GALK2: variants seen among roughly 807,000 people sequenced by gnomAD.
The protein encoded by GALK2 is galactokinase 2.
GALK2 carries 36 observed loss-of-function variants against 52.4 expected under a neutral mutation model. The ratio of observed to expected loss-of-function variants is 0.69; its 90% confidence interval spans 0.53 to 0.91. GALK2 has a LOEUF of 0.91. GALK2 is among the 40% of genes least tolerant of loss of function. GALK2 has a pLI of 0.00. For synonymous variants in GALK2, 176 were observed against 199.1 expected, an observed-to-expected ratio of 0.88 and a Z score of 0.98; for missense variants, 579 against 559.1, an observed-to-expected ratio of 1.04 and a Z score of -0.36.
intron 2 of GALK2, 94 bp downstream of exon 2, chr15:49,201,344 A>G (rs1363935893): frequency 1.5e-6 from 1 of 678,928 alleles, no homozygotes. Flanking sequence ...TTTTCCCAAA[A>G]TAGAATATTT....
At chr15:49,158,852 A>G (rs2084545383) in intron 1 of GALK2, 1 of 152,166 alleles carries the variant, frequency 6.6e-6, no homozygotes, top group Non-Finnish European at 1.5e-5. Context: ...TAGAGACAAG[A>G]TCTTGCTCTG....
At chr15:49,182,182 C>G (rs1159743651) in intron 1 of GALK2, among the ~76,000 whole-genome samples, 1 of 152,172 alleles carries the variant, frequency 6.6e-6, no homozygotes, top group East Asian at 1.9e-4. Flanking sequence ...TCATTCTACT[C>G]TCTTTCTCCA....
intron 1 of GALK2, 35 bp downstream of exon 1, chr15:49,170,410 C>T: frequency 6.4e-7 from 1 of 1,562,362 alleles, no homozygotes; most frequent in Non-Finnish European, 8.7e-7. Flanking sequence ...TTGGGATCTG[C>T]TGGGTTGGCT....
chr15:49,366,614 G>T lies in GALK2; in HGVS notation c.427-877G>T, dbSNP rs527687182. 5.1e-4 allele frequency: 817 copies of T among 1,595,208 alleles called. 2 individuals carry two copies. Among genetic ancestry groups the T allele is most frequent in the Admixed American group, 1.6e-3 (94 of 59,908 alleles). On this transcript the variant is annotated intron_variant, in intron 3 of 3. Coordinates refer to the GALK2 transcript ENST00000558399. ...CGCATGCAAGATTGCTTCCTGAGCGGCTGTCAGCTGGAGCAGGAAGCCCCA... is the reference window on the plus strand; with the variant it reads ...CGCATGCAAGATTGCTTCCTGAGCGTCTGTCAGCTGGAGCAGGAAGCCCCA...
intron 1 of GALK2, among the ~76,000 whole-genome samples, chr15:49,178,183 A>T (rs1421110241): frequency 1.5e-4 from 12 of 79,940 alleles, no homozygotes; most frequent in East Asian, 3.7e-4. Flanking sequence ...AAAAAAAAAA[A>T]AAAAAGAAAT....
chr15:49,289,491 A>G (rs2033719548), intron 7 of GALK2, among the ~76,000 whole-genome samples: 1 of 152,234 alleles, frequency 6.6e-6, no homozygotes, highest in Non-Finnish European at 1.5e-5. Context: ...GACCAAGAAC[A>G]GAGGGCTTAG....
chr15:49,348,662 A>C (rs4421927), intron 3 of GALK2, among the ~76,000 whole-genome samples: 5 of 151,958 alleles, frequency 3.3e-5, no homozygotes, highest in Admixed American at 2.0e-4. Flanking sequence ...CCACCTCCTA[A>C]GAGAGAAGTA....
Position 49,351,971 on chromosome 15 carries a change from G to A in GALK2, c.427-15520G>A, listed in dbSNP as rs372258060. On this transcript the variant is annotated intron_variant, in intron 3 of 3. Transcript: ENST00000558399. ...TATTATTACCTCTGTAGTTCTAGGTGTTGACTGAGCTCAGCTAGGCTGTTC... is the reference window on the plus strand; with the variant it reads ...TATTATTACCTCTGTAGTTCTAGGTATTGACTGAGCTCAGCTAGGCTGTTC... Among the ~76,000 whole-genome samples, 16 of 152,334 alleles carry A rather than the reference G, an allele frequency of 1.1e-4. No homozygotes were observed. In the South Asian group the frequency reaches 3.1e-3, roughly 30 times the overall value.
Position 49,318,671 on chromosome 15 carries a change from A to G in GALK2, c.968-933A>G, listed in dbSNP as rs1596095149. Among the ~76,000 whole-genome samples, 8 of 152,256 alleles carry G rather than the reference A, an allele frequency of 5.3e-5. No individual in the cohort carries two copies. In the South Asian group the frequency reaches 1.7e-3, roughly 32 times the overall value. The stretch of plus-strand genomic sequence containing the variant: ...TACATATATAAACATTATATATCCC[A>G]TATAAATAATTGTGTTTATCTGGGA... On this transcript the variant is annotated intron_variant, in intron 8 of 9. Transcript: ENST00000560031.
At chr15:49,205,607 G>A (rs999104659) in intron 2 of GALK2, among the ~76,000 whole-genome samples, 4 of 152,098 alleles carry the variant, frequency 2.6e-5, no homozygotes, top group African/African-American at 9.7e-5. Context: ...ATTTGTTTGA[G>A]TTCATTGTAG....
At position 49,366,783 on chromosome 15, in the gene GALK2, G is replaced by A. The variant is rs551733007; in HGVS notation, c.427-708G>A. 397 of 603,660 alleles carry A rather than the reference G, an allele frequency of 6.6e-4. 3 individuals carry two copies. Among genetic ancestry groups the A allele is most frequent in the South Asian group, 2.8e-3 (135 of 48,896 alleles). 37.4% of individuals were successfully genotyped at this position (603,660 alleles called of 1,614,324 possible). ...CGCTGCCTCCGTGGCGGGGGCGGCC[G>A]GGCTAGGCTGGGATCGCCGCTGCTG... On this transcript the variant is annotated intron_variant, in intron 3 of 3. Transcript: ENST00000558399.
intron 1 of GALK2, among the ~76,000 whole-genome samples, chr15:49,184,336 TG>T (rs369014235): frequency 6.6e-6 from 1 of 151,162 alleles, no homozygotes; most frequent in African/African-American, 2.4e-5. Context: ...TTTTTTCATC[TG>T]TTTTCTTTTT....
intron 3 of GALK2, among the ~76,000 whole-genome samples, chr15:49,356,209 C>G (rs1479409113): frequency 2.0e-5 from 3 of 151,906 alleles, no homozygotes; most frequent in Admixed American, 6.6e-5. Flanking sequence ...CAGCTAACAT[C>G]ATAATGACAG....
At chr15:49,260,812 A>G (rs2092068685) in intron 5 of GALK2, among the ~76,000 whole-genome samples, 1 of 152,118 alleles carries the variant, frequency 6.6e-6, no homozygotes, top group African/African-American at 2.4e-5. Flanking sequence ...AGCACCATTT[A>G]TTAAATAGGG....
chr15:49,246,171 G>C (rs1398408083), intron 5 of GALK2, among the ~76,000 whole-genome samples: 1 of 152,198 alleles, frequency 6.6e-6, no homozygotes, highest in Admixed American at 6.5e-5. Context: ...TTGTAAGAAT[G>C]GGATTTGGGT....
intron 3 of GALK2, among the ~76,000 whole-genome samples, chr15:49,227,954 C>T (rs2141436740): frequency 6.6e-6 from 1 of 152,240 alleles, no homozygotes; most frequent in East Asian, 1.9e-4. Context: ...GGAAAGACTT[C>T]AGTTCTCCTT....
chr15:49,189,584 CA>C (rs1480410758), intron 1 of GALK2, among the ~76,000 whole-genome samples: 3 of 152,156 alleles, frequency 2.0e-5, no homozygotes, highest in Non-Finnish European at 2.9e-5. Context: ...ACAATTTTAA[CA>C]GTATGCCAAC....
Position 49,329,446 on chromosome 15 carries a change from T to C in GALK2, c.*1287T>C. The C allele has an allele frequency of 1.0e-6, 1 of 984,934 alleles. No homozygotes were observed. The highest frequency in any genetic ancestry group is 1.2e-6 in the Non-Finnish European group (1 of 829,458). 61.0% of individuals were successfully genotyped at this position (984,934 alleles called of 1,614,324 possible). On this transcript the variant is annotated 3_prime_UTR_variant, in exon 10 of 10. Coordinates refer to ENST00000560031, the MANE Select transcript of GALK2 (RefSeq NM_002044.4). Reference sequence around the variant, plus strand: ...TCAGAATTACTTATTATTCTGTGATTTCATTAGCTCATTAATGTTTAACTC... The same window carrying C: ...TCAGAATTACTTATTATTCTGTGATCTCATTAGCTCATTAATGTTTAACTC...
intron 3 of GALK2, among the ~76,000 whole-genome samples, chr15:49,228,672 T>C (rs1298405466): frequency 4.2e-4 from 5 of 11,978 alleles, no homozygotes; most frequent in African/African-American, 1.7e-3. Flanking sequence ...TATATATATA[T>C]ATATATATAT....
Sources: gnomAD v4.1 joint callset for allele counts (sites outside exome capture counted in the v4.1 genomes callset) on GRCh38, gnomAD v4.1.1 for gene constraint, MANE v1.5 for transcripts, NCBI Gene and HGNC (gene_info 2026-07-23, HGNC 2026-07-21) for gene names.